VPS33B: variants seen among roughly 807,000 people sequenced by gnomAD.
VPS33B encodes VPS33B late endosome and lysosome associated, also known as vacuolar protein sorting-associated protein 33B.
A neutral mutation model predicts 95.3 loss-of-function variants in VPS33B; 80 were observed. The ratio of observed to expected loss-of-function variants is 0.84; its 90% CI spans 0.70 to 1.01. The LOEUF (loss-of-function observed/expected upper bound fraction) is 1.01, where lower values mean the gene tolerates loss of function less well. VPS33B is among the 50% of genes least tolerant of loss of function. The probability of loss-of-function intolerance (pLI) is 0.00; values close to 1 mark genes in which losing one functional copy is unlikely to be tolerated. For missense variants in VPS33B, 715 were observed against 773.4 expected (o/e 0.92, Z 0.90); for synonymous variants, 280 against 280.4 (o/e 1.00, Z 0.01).
In VPS33B at chr15:91,007,098, C is replaced by T. The variant is rs1259434021; in HGVS notation, c.604-52G>A. ...CTTGTGTCCAGGTCCCTACTGCAGC[C>T]CCATACCTACAGAAGTCAGCCCTTT... On this transcript the variant is annotated intron_variant, in intron 8 of 22. Transcript: ENST00000333371. The surrounding 1 kb of genome is among the most constrained non-coding windows in gnomAD (Gnocchi z 5.3). 8 of 1,589,300 alleles carry T rather than the reference C, an allele frequency of 5.0e-6. No individual in the cohort carries two copies. Among genetic ancestry groups the T allele is most frequent in the Non-Finnish European group, 6.0e-6 (7 of 1,168,594 alleles).
Position 91,000,210 on chromosome 15 carries a change from G to A in VPS33B, c.1582-235C>T, listed in dbSNP as rs1385310492. Among the ~76,000 whole-genome samples the A allele has an allele frequency of 6.6e-6, 1 of 152,044 alleles. No individual in the cohort carries two copies. Among genetic ancestry groups the A allele is most frequent in the South Asian group, 2.1e-4 (1 of 4,828 alleles). On this transcript the variant is annotated intron_variant, in intron 20 of 22. Transcript: ENST00000333371. The surrounding 1 kb of genome is among the most constrained non-coding windows in gnomAD (Gnocchi z 4.9). The stretch of plus-strand genomic sequence containing the variant: ...GCCTGGTCAACATATAGTTGGCCCT[G>A]TCTATATGAAACCCCATCTCTACTA...
rs768731695 is a variant in VPS33B, at chr15:91,007,022, G to A, written c.628C>T (p.Leu210=). 6.2e-7 allele frequency: 1 copy of A among 1,612,886 alleles called. No homozygotes were observed. Among genetic ancestry groups the A allele is most frequent in the African/African-American group, 1.3e-5 (1 of 74,922 alleles). ...AKMAYELWRN[L]EEEEDGETKG... ...GTTTCGCCATCCTCCTCCTCCTCCA[G>A]GTTCCTCCACAATTCATATGCCATC... The change falls in exon 9 of 23, where the codon CTG becomes TTG. Residue 210 remains leucine (L), a synonymous_variant. Transcript: ENST00000333371. This position sits in a 1 kb window ranked among gnomAD's most constrained non-coding sequence, Gnocchi z 5.3.
At chr15:91,017,621 C>T (rs1450466191) in intron 2 of VPS33B, among the ~76,000 whole-genome samples, 184 bp downstream of exon 2, 1 of 151,176 alleles carries the variant, frequency 6.6e-6, no homozygotes, top group Non-Finnish European at 1.5e-5. Context: ...GAGAGAGACT[C>T]CGTCTCCCGC....
chr15:91,017,629 C>T (rs531540684), intron 2 of VPS33B, among the ~76,000 whole-genome samples, 176 bp downstream of exon 2: 23 of 151,040 alleles, frequency 1.5e-4, no homozygotes, highest in Non-Finnish European at 3.1e-4. Flanking sequence ...CTCCGTCTCC[C>T]GCCGCAAAAA....
Position 91,005,572 on chromosome 15 carries a change from C to T in VPS33B, c.1031-118G>A. 1.3e-6 allele frequency: 2 copies of T among 1,579,596 alleles called. No homozygotes were observed. Among genetic ancestry groups the T allele is most frequent in the East Asian group, 2.2e-5 (1 of 44,680 alleles). On this transcript the variant is annotated intron_variant, in intron 13 of 22. Coordinates refer to ENST00000333371, the MANE Select transcript of VPS33B (RefSeq NM_018668.5). This position sits in a 1 kb window ranked among gnomAD's most constrained non-coding sequence, Gnocchi z 6.4. ...TCCGAAAGCACTTCTTCCCACTTTA[C>T]ACCAAGTAAGACCATATGCATCAGA...
rs112272323 is a variant in VPS33B at position 91,010,794 on chromosome 15, G to A, written c.358-948C>T. On this transcript the variant is annotated intron_variant, in intron 5 of 22. Coordinates refer to ENST00000333371, the MANE Select transcript of VPS33B (RefSeq NM_018668.5). The surrounding 1 kb of genome is among the most constrained non-coding windows in gnomAD (Gnocchi z 5.7). ...AGTCAAGGCAGGAAAGGTGAGAGTT[G>A]CAAGGAAGGGTGGGCAACAGTGTCA... 0.013 allele frequency among the ~76,000 whole-genome samples: 1,914 copies of A among 152,240 alleles called. 42 individuals carry two copies. The highest frequency in any genetic ancestry group is 0.042 in the African/African-American group (1,743 of 41,546).
Position 91,002,949 on chromosome 15 carries a change from G to A in VPS33B, c.1272+136C>T. The A allele has an allele frequency of 2.1e-6, 2 of 942,504 alleles. No homozygotes were observed. Among genetic ancestry groups the A allele is most frequent in the Non-Finnish European group, 3.5e-6 (2 of 574,608 alleles). 58.4% of individuals were successfully genotyped at this position (942,504 alleles called of 1,614,324 possible). ...TGCTGAAAGGTGACTCTCCCTAGTA[G>A]CTCTAAGAGGGAGGCCTGAATGGAA... On this transcript the variant is annotated intron_variant, in intron 17 of 22. Transcript: ENST00000333371. This position sits in a 1 kb window ranked among gnomAD's most constrained non-coding sequence, Gnocchi z 4.7.
intron 3 of VPS33B, 57 bp downstream of exon 3, chr15:91,016,906 G>A (rs1315492018): frequency 1.7e-5 from 27 of 1,543,460 alleles, no homozygotes; most frequent in Admixed American, 8.3e-5. Flanking sequence ...AAAGGCAGAC[G>A]TGCCCCTAGG....
chr15:91,001,193 G>A (rs960817934), intron 19 of VPS33B, among the ~76,000 whole-genome samples, 196 bp downstream of exon 19: 2 of 151,914 alleles, frequency 1.3e-5, no homozygotes, highest in South Asian at 2.1e-4. Flanking sequence ...GCACATGCCT[G>A]TAATCCCTTG....
intron 18 of VPS33B, 110 bp from the exon 19 acceptor site, chr15:91,001,572 G>A (rs984608557): frequency 1.0e-4 from 91 of 903,816 alleles, no homozygotes; most frequent in African/African-American, 9.1e-4. Context: ...AAAAACTCTC[G>A]GAAGCTGTTC....
chr15:91,010,952 T>G lies in VPS33B; in HGVS notation c.358-1106A>C, dbSNP rs1180111086. Reference sequence around the variant, plus strand: ...AGAAGCAGTGACAATAGAACATTCTTCACAGAAGCCTGGCCCTGAAAGAAG... The same window carrying G: ...AGAAGCAGTGACAATAGAACATTCTGCACAGAAGCCTGGCCCTGAAAGAAG... On this transcript the variant is annotated intron_variant, in intron 5 of 22. Coordinates refer to ENST00000333371, the MANE Select transcript of VPS33B (RefSeq NM_018668.5). The surrounding 1 kb of genome is among the most constrained non-coding windows in gnomAD (Gnocchi z 5.7). Among the ~76,000 whole-genome samples the G allele has an allele frequency of 1.3e-5, 2 of 152,134 alleles. No individual in the cohort carries two copies. Among genetic ancestry groups the G allele is most frequent in the Non-Finnish European group, 2.9e-5 (2 of 68,026 alleles).
intron 3 of VPS33B, among the ~76,000 whole-genome samples, chr15:91,016,375 CTTTTTT>C (rs796637381): frequency 8.3e-5 from 8 of 96,006 alleles, no homozygotes; most frequent in East Asian, 6.6e-4. Flanking sequence ...GCAGATTCTT[CTTTTTT>C]TTTTTTTTTT....
chr15:90,999,143 C>G lies in VPS33B; in HGVS notation c.1775-89G>C. 8.4e-7 allele frequency: 1 copy of G among 1,185,898 alleles called. No homozygotes were observed. Among genetic ancestry groups the G allele is most frequent in the Non-Finnish European group, 1.2e-6 (1 of 805,848 alleles). 73.5% of individuals were successfully genotyped at this position (1,185,898 alleles called of 1,614,324 possible). A position where few individuals can be genotyped will look rare whatever the true frequency, so the allele number is the denominator to read the frequency against. On this transcript the variant is annotated intron_variant, in intron 22 of 22. Transcript: ENST00000333371. The surrounding 1 kb of genome is among the most constrained non-coding windows in gnomAD (Gnocchi z 5.1). ...AGAGCCTCTCCAGTTCCACAGTCCC[C>G]ACGGGATCACAGCACCAGTTTATAG...
chr15:91,022,183 G>A lies in VPS33B; in HGVS notation c.67C>T (p.Arg23Ter), dbSNP rs1263540507. ...PDFSMLKRLA[R>*]DQLIYLLEQL... ...TCCAGCAGATAGATGAGCTGGTCTC[G>A]AGCCAGCCTCTTCAGCATGGAGAAG... is the stretch of plus-strand genomic sequence containing the variant. The change falls in exon 1 of 23, where the codon CGA becomes TGA. Residue 23 changes from arginine to a stop codon, truncating the protein, a stop_gained. Coordinates refer to ENST00000333371, the MANE Select transcript of VPS33B (RefSeq NM_018668.5). LOFTEE classifies it high-confidence loss of function. 1 of 1,576,056 alleles carries A rather than the reference G, an allele frequency of 6.3e-7. No homozygotes were observed. Among genetic ancestry groups the A allele is most frequent in the African/African-American group, 1.3e-5 (1 of 74,136 alleles).
At chr15:91,014,318 T>A in intron 4 of VPS33B, 66 bp downstream of exon 4, 1 of 1,547,594 alleles carries the variant, frequency 6.5e-7, no homozygotes, top group African/African-American at 1.4e-5. Flanking sequence ...AGGGTCCTTA[T>A]GGCCAAGGCC....
At chr15:91,014,466 A>G (rs2151680282) in intron 3 of VPS33B, 33 bp from the exon 4 acceptor site, 1 of 1,611,168 alleles carries the variant, frequency 6.2e-7, no homozygotes, top group Non-Finnish European at 8.5e-7. Flanking sequence ...AACAGTGAAG[A>G]AGAATTATCA....
At position 91,015,331 on chromosome 15, in the gene VPS33B, C is replaced by T. The variant is rs1253298008; in HGVS notation, c.240-898G>A. Among the ~76,000 whole-genome samples the T allele has an allele frequency of 1.3e-5, 2 of 151,038 alleles. No homozygotes were observed. The highest frequency in any genetic ancestry group is 2.1e-4 in the South Asian group (1 of 4,800). On this transcript the variant is annotated intron_variant, in intron 3 of 22. Coordinates refer to ENST00000333371, the MANE Select transcript of VPS33B (RefSeq NM_018668.5). The surrounding 1 kb of genome is among the most constrained non-coding windows in gnomAD (Gnocchi z 4.7). ...AGCCTGGATGACAAGAGCTAAACTC[C>T]GTCTCAAAAAAAATAAAATAAAATA...
intron 17 of VPS33B, 78 bp downstream of exon 17, chr15:91,003,007 C>T: frequency 2.6e-6 from 4 of 1,519,850 alleles, no homozygotes; most frequent in South Asian, 1.1e-5. Context: ...AAAGGGGCCA[C>T]TTCTCTTGCC....
chr15:90,999,106 A>G lies in VPS33B; in HGVS notation c.1775-52T>C, dbSNP rs191093562. ...GAGACAGCACAGATCTTAGGCCCCA[A>G]CGGCAACCCATAGAGCCTCTCCAGT... On this transcript the variant is annotated intron_variant, in intron 22 of 22. Transcript: ENST00000333371. The surrounding 1 kb of genome is among the most constrained non-coding windows in gnomAD (Gnocchi z 5.1). The G allele has an allele frequency of 2.7e-5, 43 of 1,575,114 alleles. No homozygotes were observed. The East Asian group carries it at 3.6e-4, about 13-fold the overall frequency.
Sources: allele counts gnomAD v4.1 joint callset (sites outside exome capture counted in the v4.1 genomes callset), GRCh38; gene constraint gnomAD v4.1.1; non-coding constraint Gnocchi (gnomAD v3.1); transcripts MANE v1.5; gene names NCBI Gene and HGNC (gene_info 2026-07-23, HGNC 2026-07-21).